The following GRIK4 variants were observed in gnomAD, a reference collection of about 807,000 sequenced individuals.
GRIK4 encodes glutamate receptor ionotropic, kainate 4.
In GRIK4, 40 loss-of-function variants were observed where a neutral mutation model predicts 104.9. The observed-to-expected ratio is 0.38, with a 90% CI of 0.30 to 0.50. The LOEUF is 0.50. GRIK4 is among the 20% of genes least tolerant of loss of function. The pLI, the probability that GRIK4 is intolerant of heterozygous loss-of-function variation, is 0.93. For synonymous variants in GRIK4, 485 were observed against 524.9 expected (o/e 0.92, Z 1.04); for missense variants, 1,047 against 1,308.1 (o/e 0.80, Z 3.08).
At chr11:120,860,818 T>C (rs1009099397) in intron 8 of GRIK4, among the ~76,000 whole-genome samples, 5 of 152,194 alleles carry the variant, frequency 3.3e-5, no homozygotes, top group African/African-American at 1.2e-4. Flanking sequence ...AACTTGGTTT[T>C]GGCATTCCTC....
At chr11:120,797,488 T>C (rs769607478) in intron 3 of GRIK4, among the ~76,000 whole-genome samples, 55 of 152,322 alleles carry the variant, frequency 3.6e-4, no homozygotes, top group Non-Finnish European at 6.2e-4. Flanking sequence ...GGTAACTGCC[T>C]GTTGAGCACA....
At chr11:120,790,406 A>G (rs1403381543) in intron 3 of GRIK4, among the ~76,000 whole-genome samples, 3 of 152,188 alleles carry the variant, frequency 2.0e-5, no homozygotes, top group Non-Finnish European at 2.9e-5. Context: ...GGAGCAGTTC[A>G]GTGCTTACCT....
chr11:120,693,918 G>A (rs114428118), intron 3 of GRIK4, among the ~76,000 whole-genome samples: 6 of 151,918 alleles, frequency 3.9e-5, no homozygotes, highest in African/African-American at 1.5e-4. Context: ...TGAGACAAGG[G>A]CGTCACCTTT....
At chr11:120,588,684 C>A (rs1591717403) in intron 1 of GRIK4, among the ~76,000 whole-genome samples, 2 of 152,248 alleles carry the variant, frequency 1.3e-5, no homozygotes, top group South Asian at 2.1e-4. Context: ...TAGTATAGGG[C>A]AGGCTTCTCA....
intron 3 of GRIK4, among the ~76,000 whole-genome samples, chr11:120,795,222 G>A (rs991383802): frequency 2.0e-5 from 3 of 152,178 alleles, no homozygotes; most frequent in East Asian, 1.9e-4. Context: ...CTTCAGCAGC[G>A]AGGCTCTGGA....
chr11:120,611,559 G>T (rs1393698340), intron 1 of GRIK4, among the ~76,000 whole-genome samples: 2 of 152,092 alleles, frequency 1.3e-5, no homozygotes, highest in Non-Finnish European at 2.9e-5. Flanking sequence ...TGCTTTCACG[G>T]CTGCAGCCTG....
intron 6 of GRIK4, among the ~76,000 whole-genome samples, chr11:120,823,866 C>G (rs1429347768): frequency 6.6e-6 from 1 of 152,182 alleles, no homozygotes; most frequent in African/African-American, 2.4e-5. Flanking sequence ...GCTGAGGCTG[C>G]TGAGGGACTC....
intron 3 of GRIK4, among the ~76,000 whole-genome samples, chr11:120,700,446 G>A (rs1461319701): frequency 6.6e-6 from 1 of 151,152 alleles, no homozygotes; most frequent in Non-Finnish European, 1.5e-5. Context: ...GCTAATTTTT[G>A]TATTTTTATT....
At chr11:120,648,103 C>A (rs1296552701) in intron 1 of GRIK4, among the ~76,000 whole-genome samples, 1 of 152,198 alleles carries the variant, frequency 6.6e-6, no homozygotes, top group Non-Finnish European at 1.5e-5. Flanking sequence ...CAGGGATGAC[C>A]CACTTGCTTA....
intron 1 of GRIK4, among the ~76,000 whole-genome samples, chr11:120,546,451 G>A (rs1290017584): frequency 6.6e-6 from 1 of 152,184 alleles, no homozygotes; most frequent in African/African-American, 2.4e-5. Flanking sequence ...AGGTGGTGGA[G>A]ACTGCACCTG....
In GRIK4 at chr11:120,832,886, C is replaced by T. The variant is rs1387948124; in HGVS notation, c.690+856C>T. On this transcript the variant is annotated intron_variant, in intron 7 of 20. Transcript: ENST00000527524. Reference sequence around the variant, plus strand: ...TGGTGGCTGGGCTGGGCATGAACTTCGGAGAGAACGGGCCCCGTTTCCAGG... The same window carrying T: ...TGGTGGCTGGGCTGGGCATGAACTTTGGAGAGAACGGGCCCCGTTTCCAGG... 2.6e-5 allele frequency among the ~76,000 whole-genome samples: 4 copies of T among 152,320 alleles called. No individual in the cohort carries two copies. In the East Asian group the frequency reaches 7.7e-4, roughly 29 times the overall value.
intron 1 of GRIK4, among the ~76,000 whole-genome samples, chr11:120,633,969 C>T (rs939900566): frequency 3.9e-5 from 6 of 152,190 alleles, no homozygotes; most frequent in East Asian, 1.9e-4. Flanking sequence ...AGAGAGAGCA[C>T]AGCGATTAGT....
At chr11:120,823,238 G>T (rs556989632) in intron 6 of GRIK4, among the ~76,000 whole-genome samples, 1 of 152,344 alleles carries the variant, frequency 6.6e-6, no homozygotes, top group South Asian at 2.1e-4. Flanking sequence ...TTGCTTTTAG[G>T]CTGAGACTTG....
intron 1 of GRIK4, among the ~76,000 whole-genome samples, chr11:120,610,963 G>C (rs138980405): frequency 2.0e-5 from 3 of 152,180 alleles, no homozygotes; most frequent in Non-Finnish European, 4.4e-5. Context: ...GAATGTCAGC[G>C]CAGGAAGAGC....
chr11:120,691,206 G>A (rs1475626457), intron 3 of GRIK4, among the ~76,000 whole-genome samples: 5 of 152,090 alleles, frequency 3.3e-5, no homozygotes, highest in Admixed American at 2.0e-4. Context: ...CCTAAACTTC[G>A]CCTTTTCTGG....
intron 3 of GRIK4, among the ~76,000 whole-genome samples, chr11:120,760,434 C>CATATAT (rs34870881): frequency 8.2e-4 from 120 of 146,416 alleles, no homozygotes; most frequent in African/African-American, 2.4e-3. Context: ...CATATATATA[C>CATATAT]ATATATATAT....
chr11:120,566,848 C>T (rs1279392611), intron 1 of GRIK4, among the ~76,000 whole-genome samples: 4 of 151,582 alleles, frequency 2.6e-5, no homozygotes, highest in East Asian at 1.9e-4. Flanking sequence ...GGACTACAGG[C>T]GCGTGCCATC....
At chr11:120,783,042 A>G (rs1952190336) in intron 3 of GRIK4, among the ~76,000 whole-genome samples, 1 of 152,148 alleles carries the variant, frequency 6.6e-6, no homozygotes, top group Non-Finnish European at 1.5e-5. Flanking sequence ...CTACCTTCAC[A>G]TTGGGGACCC....
rs117121956 is a variant in GRIK4, at chr11:120,706,197, A to C, written c.82+45797A>C. Among the ~76,000 whole-genome samples, 1,155 of 152,290 alleles carry C rather than the reference A, an allele frequency of 7.6e-3. 9 individuals carry two copies. Among genetic ancestry groups the C allele is most frequent in the Middle Eastern group, 0.014 (4 of 294 alleles). On this transcript the variant is annotated intron_variant, in intron 3 of 20. Coordinates refer to ENST00000527524, the MANE Select transcript of GRIK4 (RefSeq NM_014619.5). ...CCTGAAGTCCATGGCTCTCCTAGGA[A>C]GGGGCTGTGGGTTCTAGGACTGACC...
Sources: gnomAD v4.1 joint callset for allele counts (sites outside exome capture counted in the v4.1 genomes callset) on GRCh38, gnomAD v4.1.1 for gene constraint, MANE v1.5 for transcripts, NCBI Gene and HGNC (gene_info 2026-07-23, HGNC 2026-07-21) for gene names.